Variants in ZPLD1 observed in about 807,000 individuals in gnomAD.
The protein encoded by ZPLD1 is zona pellucida like domain containing 1.
Under a neutral mutation model 47.2 loss-of-function variants are expected in ZPLD1, and 34 were observed. The observed-to-expected ratio is 0.72, with a 90% CI of 0.55 to 0.96. The LOEUF (loss-of-function observed/expected upper bound fraction) is 0.96, where lower values mean the gene tolerates loss of function less well. Among genes scored for constraint, ZPLD1 ranks in the 40% least tolerant of loss-of-function variants. The probability of loss-of-function intolerance (pLI) is 0.00; values close to 1 mark genes in which losing one functional copy is unlikely to be tolerated. For synonymous variants in ZPLD1, 176 were observed against 186.2 expected (o/e 0.95, Z 0.45); for missense variants, 512 against 505.8 (o/e 1.01, Z -0.12).
At chr3:102,462,399 T>C (rs1348118052) in intron 7 of ZPLD1, 21 bp downstream of exon 7, 1 of 1,552,798 alleles carries the variant, frequency 6.4e-7, no homozygotes, top group Non-Finnish European at 8.8e-7. Context: ...ACTCTTGTCT[T>C]TTTTAGGTTA....
At chr3:102,427,355 T>G (rs148708505) in intron 8 of ZPLD1, among the ~76,000 whole-genome samples, 81 of 152,300 alleles carry the variant, frequency 5.3e-4, no homozygotes, top group Non-Finnish European at 9.1e-4. Flanking sequence ...ACATGGAGAT[T>G]AGGCTGTAAG....
intron 1 of ZPLD1, 128 bp downstream of exon 1, chr3:102,435,282 T>TAC: frequency 1.0e-6 from 1 of 985,960 alleles, no homozygotes; most frequent in South Asian, 1.4e-5. Context: ...AAAATAGGGA[T>TAC]ACTGCCTTTA....
intron 6 of ZPLD1, among the ~76,000 whole-genome samples, chr3:102,387,657 T>A (rs888243798): frequency 9.2e-5 from 14 of 152,132 alleles, no homozygotes; most frequent in Non-Finnish European, 1.6e-4. Flanking sequence ...TATTTATGGT[T>A]AAGTCTTCTG....
At chr3:102,460,253 A>T (rs554260511) in intron 6 of ZPLD1, among the ~76,000 whole-genome samples, 6 of 152,118 alleles carry the variant, frequency 3.9e-5, no homozygotes, top group African/African-American at 1.4e-4. Context: ...ATGAAATTTT[A>T]TATTACATCC....
At chr3:102,452,887 T>C in intron 3 of ZPLD1, 32 bp from the exon 4 acceptor site, 1 of 1,604,354 alleles carries the variant, frequency 6.2e-7, no homozygotes, top group South Asian at 1.1e-5. Flanking sequence ...CTTTTCTGAC[T>C]TATGTTTGTT....
chr3:102,416,136 G>A (rs768937048), intron 7 of ZPLD1, among the ~76,000 whole-genome samples: 1 of 151,804 alleles, frequency 6.6e-6, no homozygotes, highest in African/African-American at 2.4e-5. Flanking sequence ...TCCAATAACT[G>A]GTAAAATTTC....
chr3:102,398,878 G>T (rs996963487), intron 7 of ZPLD1, among the ~76,000 whole-genome samples: 2 of 149,148 alleles, frequency 1.3e-5, no homozygotes, highest in East Asian at 2.0e-4. Context: ...GCGTGCGCAC[G>T]CACACACACA....
chr3:102,467,755 A>T (rs1238316103), intron 8 of ZPLD1, among the ~76,000 whole-genome samples: 1 of 151,944 alleles, frequency 6.6e-6, no homozygotes. Context: ...AAAACTTTGG[A>T]GTAAGGAAAC....
chr3:102,466,755 A>G, intron 8 of ZPLD1, among the ~76,000 whole-genome samples: 1 of 152,086 alleles, frequency 6.6e-6, no homozygotes, highest in Non-Finnish European at 1.5e-5. Flanking sequence ...AAGTATAAGA[A>G]ATACAAATAA....
At chr3:102,463,952 A>G (rs1206774214) in intron 7 of ZPLD1, among the ~76,000 whole-genome samples, 1 of 151,398 alleles carries the variant, frequency 6.6e-6, no homozygotes, top group Non-Finnish European at 1.5e-5. Context: ...CGGGAGGCTG[A>G]GGCAGGAGAA....
chr3:102,410,041 A>G (rs1421794279), intron 7 of ZPLD1, among the ~76,000 whole-genome samples: 1 of 151,860 alleles, frequency 6.6e-6, no homozygotes, highest in Non-Finnish European at 1.5e-5. Context: ...TTTCCAGACT[A>G]CTGATCATAT....
upstream of ZPLD1, among the ~76,000 whole-genome samples, chr3:102,434,853 A>T (rs564020130): frequency 3.5e-4 from 53 of 152,328 alleles, 1 homozygote; most frequent in African/African-American, 1.3e-3. Context: ...CAAGCACCTT[A>T]GATTATTCCA....
chr3:102,456,116 T>C, intron 4 of ZPLD1, 77 bp from the exon 5 acceptor site: 2 of 1,197,932 alleles, frequency 1.7e-6, no homozygotes, highest in Non-Finnish European at 2.3e-6. Flanking sequence ...TTTTGCTTAA[T>C]GTTTTATTTT....
At chr3:102,404,490 C>T (rs573663815) in intron 7 of ZPLD1, among the ~76,000 whole-genome samples, 1 of 152,070 alleles carries the variant, frequency 6.6e-6, no homozygotes, top group African/African-American at 2.4e-5. Flanking sequence ...ACAACCAGTG[C>T]CTATATGTTA....
At chr3:102,432,232 C>T (rs1022648526), upstream of ZPLD1, among the ~76,000 whole-genome samples, 4 of 152,148 alleles carry the variant, frequency 2.6e-5, no homozygotes, top group African/African-American at 9.7e-5. Flanking sequence ...GTGAGTGATG[C>T]AGAAGCACTG....
At chr3:102,394,026 C>T (rs71317300) in intron 7 of ZPLD1, among the ~76,000 whole-genome samples, 1,933 of 152,182 alleles carry the variant, frequency 0.013, 42 homozygotes, top group Middle Eastern at 0.014. Context: ...AAGTAACAAC[C>T]TTTCAAAGAT....
chr3:102,450,559 T>C (rs1340463167), intron 3 of ZPLD1, among the ~76,000 whole-genome samples: 1 of 152,140 alleles, frequency 6.6e-6, no homozygotes, highest in Non-Finnish European at 1.5e-5. Context: ...TAACAGATTA[T>C]GGAGAGACTT....
chr3:102,438,530 C>T lies in ZPLD1; in HGVS notation c.43C>T (p.Leu15Phe). ...WLLLLLTIRV[L>F]PGSAQFNGYN... is the part of the protein sequence containing the mutation. The stretch of plus-strand genomic sequence containing the variant: ...GCTGCTGCTTCTAACAATTAGAGTG[C>T]TTCCGGGGTCTGCTCAGTTCAACGG... The change falls in exon 3 of 12, where the codon CTT becomes TTT. Residue 15 changes from leucine to phenylalanine, a missense_variant. Leu to Phe is a conservative substitution (Grantham distance 22). Transcript: ENST00000466937. 3.1e-6 allele frequency: 5 copies of T among 1,613,956 alleles called. No individual in the cohort carries two copies. Among genetic ancestry groups the T allele is most frequent in the Non-Finnish European group, 4.2e-6 (5 of 1,179,862 alleles).
At chr3:102,398,739 C>G (rs900565391) in intron 7 of ZPLD1, among the ~76,000 whole-genome samples, 3 of 152,104 alleles carry the variant, frequency 2.0e-5, no homozygotes, top group African/African-American at 7.2e-5. Context: ...TAGTAAAGAT[C>G]ATGCCTTTTA....
Sources: allele counts gnomAD v4.1 joint callset (sites outside exome capture counted in the v4.1 genomes callset), GRCh38; gene constraint gnomAD v4.1.1; transcripts MANE v1.5; gene names NCBI Gene and HGNC (gene_info 2026-07-23, HGNC 2026-07-21).